CA10: variants seen among roughly 807,000 people sequenced by gnomAD.
CA10 encodes the protein carbonic anhydrase 10 (inactive).
CA10 carries 14 observed loss-of-function variants against 44.2 expected under a neutral mutation model. The ratio of observed to expected loss-of-function variants is 0.32; its 90% CI spans 0.21 to 0.50. The LOEUF is 0.50. CA10 is among the 20% of genes least tolerant of loss of function. The probability of loss-of-function intolerance (pLI) is 0.99; values close to 1 mark genes in which losing one functional copy is unlikely to be tolerated. For missense variants in CA10, 350 were observed against 409.7 expected (o/e 0.85, Z 1.26); for synonymous variants, 159 against 141.6 (o/e 1.12, Z -0.87).
At chr17:51,951,259 G>T (rs1983470349) in intron 2 of CA10, among the ~76,000 whole-genome samples, 1 of 152,118 alleles carries the variant, frequency 6.6e-6, no homozygotes, top group Admixed American at 6.6e-5. Context: ...TTTTCAAGTT[G>T]TCTTTAACAG....
At chr17:51,711,989 T>C (rs1304475835) in intron 4 of CA10, among the ~76,000 whole-genome samples, 3 of 149,936 alleles carry the variant, frequency 2.0e-5, no homozygotes, top group Non-Finnish European at 4.5e-5. Context: ...GAGGTCTACA[T>C]GACTGGACCA....
At chr17:51,935,198 T>C (rs123526) in intron 2 of CA10, among the ~76,000 whole-genome samples, 103,089 of 152,072 alleles carry the variant, frequency 0.68, 35,303 homozygotes, top group Non-Finnish European at 0.71. Flanking sequence ...TATATAATGC[T>C]GTGGCAGGCA....
chr17:51,911,656 G>A (rs896192562), intron 3 of CA10, among the ~76,000 whole-genome samples: 1 of 152,130 alleles, frequency 6.6e-6, no homozygotes, highest in Non-Finnish European at 1.5e-5. Flanking sequence ...AAACCAAAAT[G>A]GAAGTCTAGT....
intron 3 of CA10, among the ~76,000 whole-genome samples, chr17:51,908,054 C>A (rs932028676): frequency 6.6e-6 from 1 of 152,172 alleles, no homozygotes; most frequent in Non-Finnish European, 1.5e-5. Flanking sequence ...AGTAGAAGGG[C>A]TGGGATCAGA....
intron 6 of CA10, among the ~76,000 whole-genome samples, chr17:51,640,594 G>A (rs1252453881): frequency 6.6e-6 from 1 of 152,150 alleles, no homozygotes; most frequent in Admixed American, 6.5e-5. Context: ...GGATTTGAAA[G>A]CCACTGGCTA....
intron 7 of CA10, among the ~76,000 whole-genome samples, 165 bp downstream of exon 7, chr17:51,635,690 C>G (rs1000252723): frequency 6.6e-6 from 1 of 152,188 alleles, no homozygotes; most frequent in Non-Finnish European, 1.5e-5. Context: ...GACTTCTAGT[C>G]TCCAGAACTG....
intron 3 of CA10, among the ~76,000 whole-genome samples, chr17:51,874,027 A>G (rs994352835): frequency 6.6e-6 from 1 of 152,196 alleles, no homozygotes; most frequent in Non-Finnish European, 1.5e-5. Context: ...CAGACTTGTC[A>G]ACCCTCCTTT....
At chr17:52,002,418 G>C (rs1388006217) in intron 2 of CA10, among the ~76,000 whole-genome samples, 3 of 151,776 alleles carry the variant, frequency 2.0e-5, no homozygotes, top group Non-Finnish European at 4.4e-5. Context: ...CTACATACAG[G>C]AGGTGCTACT....
intron 3 of CA10, among the ~76,000 whole-genome samples, chr17:51,925,215 T>C (rs935022115): frequency 2.6e-5 from 4 of 152,144 alleles, no homozygotes; most frequent in Non-Finnish European, 5.9e-5. Context: ...TATTCCTGAC[T>C]GTGCCATTAG....
rs1447803963 is a variant in CA10, at chr17:51,754,437, A to G, written c.280-6619T>C. Reference sequence around the variant, plus strand: ...TATATATATATATATATATATATATATATATATATATCACGTAAAATAAAG... The same window carrying G: ...TATATATATATATATATATATATATGTATATATATATCACGTAAAATAAAG... On this transcript the variant is annotated intron_variant, in intron 3 of 8. Coordinates refer to ENST00000451037, the MANE Select transcript of CA10 (RefSeq NM_020178.5). 3.2e-4 allele frequency among the ~76,000 whole-genome samples: 42 copies of G among 129,266 alleles called. No homozygotes were observed. In the East Asian group the frequency reaches 6.7e-3, roughly 21 times the overall value. 84.8% of individuals were successfully genotyped at this position (129,266 alleles called of 152,430 possible). A position where few individuals can be genotyped will look rare whatever the true frequency, so the allele number is the denominator to read the frequency against.
rs1337396543 is a variant in CA10 at position 51,758,117 on chromosome 17, G to A, written c.280-10299C>T. 4.6e-5 allele frequency among the ~76,000 whole-genome samples: 7 copies of A among 152,008 alleles called. No individual in the cohort carries two copies. The South Asian group carries it at 8.3e-4, about 18-fold the overall frequency. On this transcript the variant is annotated intron_variant, in intron 3 of 8. Transcript: ENST00000451037. ...TTTCCCTTAGTAATGCTAAGTTTAC[G>A]CTGATCTTTCTCTTACCTATCCATC...
chr17:51,984,274 A>G (rs900581023), intron 2 of CA10, among the ~76,000 whole-genome samples: 1 of 151,890 alleles, frequency 6.6e-6, no homozygotes, highest in Non-Finnish European at 1.5e-5. Flanking sequence ...TCAAAAACGA[A>G]AGCAAGATGG....
intron 3 of CA10, among the ~76,000 whole-genome samples, chr17:51,886,070 C>T (rs55751448): frequency 0.034 from 5,219 of 152,244 alleles, 124 homozygotes; most frequent in Non-Finnish European, 0.047. Flanking sequence ...ATAGACTACT[C>T]AGGAGGACAA....
intron 3 of CA10, among the ~76,000 whole-genome samples, chr17:51,870,795 CAT>C (rs1979766970): frequency 6.6e-6 from 1 of 152,140 alleles, no homozygotes; most frequent in Admixed American, 6.5e-5. Flanking sequence ...TTGTGGGGAA[CAT>C]GTGTATCCCT....
chr17:51,845,355 G>A, intron 3 of CA10, among the ~76,000 whole-genome samples: 1 of 152,168 alleles, frequency 6.6e-6, no homozygotes. Flanking sequence ...AAGTCGTGAA[G>A]ATATTCTAGC....
intron 4 of CA10, among the ~76,000 whole-genome samples, chr17:51,717,617 G>A (rs1386028082): frequency 9.4e-6 from 1 of 106,112 alleles, no homozygotes; most frequent in Non-Finnish European, 1.9e-5. Context: ...ATGTATACAT[G>A]TATATATGCA....
chr17:51,833,545 A>C (rs2143790462), intron 3 of CA10, among the ~76,000 whole-genome samples: 1 of 152,322 alleles, frequency 6.6e-6, no homozygotes, highest in Middle Eastern at 3.4e-3. Context: ...TTTAATTAAT[A>C]CTTCACTTTA....
At chr17:51,644,430 T>C (rs532079650) in intron 6 of CA10, among the ~76,000 whole-genome samples, 2 of 152,298 alleles carry the variant, frequency 1.3e-5, no homozygotes, top group African/African-American at 4.8e-5. Flanking sequence ...AGTGAGGACA[T>C]GTCCCGCCTC....
In CA10 at chr17:51,800,495, CA is replaced by C. The variant is rs539965375; in HGVS notation, c.280-52678del. 2.8e-4 allele frequency among the ~76,000 whole-genome samples: 42 copies of C among 152,130 alleles called. No individual in the cohort carries two copies. In the South Asian group the frequency reaches 4.2e-3, roughly 15 times the overall value. On this transcript the variant is annotated intron_variant, in intron 3 of 8. Coordinates refer to ENST00000451037, the MANE Select transcript of CA10 (RefSeq NM_020178.5). ...GAAATGGAAGAATTTTATGGTGTCTCAATAAACCTTCTATAAAAAAACAAGA... is the reference window on the plus strand; with the variant it reads ...GAAATGGAAGAATTTTATGGTGTCTCATAAACCTTCTATAAAAAAACAAGA...
Sources: allele counts gnomAD v4.1 joint callset (sites outside exome capture counted in the v4.1 genomes callset), GRCh38; gene constraint gnomAD v4.1.1; transcripts MANE v1.5; gene names NCBI Gene and HGNC (gene_info 2026-07-23, HGNC 2026-07-21).